ETFA: variants seen among roughly 807,000 people sequenced by gnomAD.
ETFA encodes the protein electron transfer flavoprotein subunit alpha.
A neutral mutation model predicts 46.2 loss-of-function variants in ETFA; 22 were observed. The ratio of observed to expected loss-of-function variants is 0.48; its 90% CI spans 0.34 to 0.68. The LOEUF (loss-of-function observed/expected upper bound fraction) is 0.68. Ranked by LOEUF, ETFA falls within the 30% of genes least tolerant of loss-of-function variation. The pLI is 0.01. For synonymous variants in ETFA, 131 were observed against 139.9 expected, an observed-to-expected ratio of 0.94 and a Z score of 0.45; for missense variants, 345 against 401.1, an observed-to-expected ratio of 0.86 and a Z score of 1.19.
chr15:76,224,194 T>A (rs1205522381), intron 11 of ETFA, among the ~76,000 whole-genome samples: 1 of 152,066 alleles, frequency 6.6e-6, no homozygotes, highest in Non-Finnish European at 1.5e-5. Context: ...GAAAAAAAAA[T>A]TCTCTTTTTC....
At chr15:76,249,656 T>C (rs958325366) in intron 9 of ETFA, among the ~76,000 whole-genome samples, 1 of 149,944 alleles carries the variant, frequency 6.7e-6, no homozygotes, top group Non-Finnish European at 1.5e-5. Context: ...TTAGCCAAGA[T>C]GGTCTCAATC....
At chr15:76,263,201 C>A (rs1312988997) in intron 9 of ETFA, among the ~76,000 whole-genome samples, 2 of 152,206 alleles carry the variant, frequency 1.3e-5, no homozygotes, top group Admixed American at 1.3e-4. Context: ...GAGCTTGGGG[C>A]CTTTGCAACC....
At chr15:76,280,807 T>A (rs888680189) in intron 8 of ETFA, among the ~76,000 whole-genome samples, 1 of 152,102 alleles carries the variant, frequency 6.6e-6, no homozygotes, top group Non-Finnish European at 1.5e-5. Context: ...GATGTGTTCC[T>A]GCGTTAGACA....
At chr15:76,282,680 C>T (rs17458234) in intron 8 of ETFA, among the ~76,000 whole-genome samples, 15,028 of 152,116 alleles carry the variant, frequency 0.099, 910 homozygotes, top group South Asian at 0.14. Flanking sequence ...AAATTTCGCA[C>T]AGGAAAACCA....
chr15:76,248,328 T>G (rs1047288457), intron 9 of ETFA, among the ~76,000 whole-genome samples: 1 of 152,138 alleles, frequency 6.6e-6, no homozygotes, highest in African/African-American at 2.4e-5. Flanking sequence ...GGTACCTGAT[T>G]AACTACATGG....
intron 9 of ETFA, among the ~76,000 whole-genome samples, chr15:76,243,526 A>G (rs955926046): frequency 6.6e-6 from 1 of 151,584 alleles, no homozygotes; most frequent in African/African-American, 2.4e-5. Flanking sequence ...GGCCAGGCGC[A>G]GTAGCTCACG....
Position 76,274,404 on chromosome 15 carries a change from A to T in ETFA, c.816+8T>A, listed in dbSNP as rs759412407. 16 of 1,596,278 alleles carry T rather than the reference A, an allele frequency of 1.0e-5. No homozygotes were observed. The highest frequency in any genetic ancestry group is 5.1e-5 in the Admixed American group (3 of 59,028). On this transcript the variant is annotated splice_region_variant and intron_variant, in intron 9 of 11. Transcript: ENST00000557943. The stretch of plus-strand genomic sequence containing the variant: ...ATTTTACACAGCATATTTTATTGCA[A>T]TACTTACTGGTGCTACTATTTTTCC...
intron 1 of ETFA, among the ~76,000 whole-genome samples, chr15:76,302,394 C>A (rs905236926): frequency 4.3e-4 from 57 of 131,176 alleles, no homozygotes; most frequent in Non-Finnish European, 8.1e-4. Flanking sequence ...AAAAAAAAAA[C>A]AGTCTGAAAA....
At position 76,250,621 on chromosome 15, in the gene ETFA, C is replaced by T. The variant is rs796195057; in HGVS notation, c.817-19223G>A. 2.6e-5 allele frequency among the ~76,000 whole-genome samples: 4 copies of T among 152,056 alleles called. No homozygotes were observed. The South Asian group carries it at 8.3e-4, about 32-fold the overall frequency. Reference sequence around the variant, plus strand: ...AATCATAGCTCACTGCAGCCTTGATCTCCCTGGCTCAAGTGATCCTCCCAC... The same window carrying T: ...AATCATAGCTCACTGCAGCCTTGATTTCCCTGGCTCAAGTGATCCTCCCAC... On this transcript the variant is annotated intron_variant, in intron 9 of 11. Transcript: ENST00000557943.
intron 11 of ETFA, among the ~76,000 whole-genome samples, chr15:76,218,183 C>T (rs542473990): frequency 1.2e-4 from 18 of 152,298 alleles, no homozygotes; most frequent in Admixed American, 1.1e-3. Flanking sequence ...AAAATTTTAC[C>T]GAATATATCC....
chr15:76,292,556 T>G, intron 3 of ETFA, 43 bp from the exon 4 acceptor site: 1 of 1,589,802 alleles, frequency 6.3e-7, no homozygotes, highest in Non-Finnish European at 8.6e-7. Flanking sequence ...TTTGAAATAC[T>G]TTCATATTCA....
intron 9 of ETFA, among the ~76,000 whole-genome samples, chr15:76,262,941 T>A (rs143218889): frequency 1.3e-5 from 2 of 152,284 alleles, no homozygotes; most frequent in Non-Finnish European, 2.9e-5. Context: ...GAACTATACC[T>A]GAAATTCTAT....
chr15:76,238,933 A>C (rs963465063), intron 9 of ETFA, among the ~76,000 whole-genome samples: 1 of 152,222 alleles, frequency 6.6e-6, no homozygotes, highest in Non-Finnish European at 1.5e-5. Flanking sequence ...TTTCACATGA[A>C]GGGAAGATTT....
At chr15:76,253,639 T>C (rs1345097822) in intron 9 of ETFA, among the ~76,000 whole-genome samples, 1 of 152,168 alleles carries the variant, frequency 6.6e-6, no homozygotes. Flanking sequence ...CGTTCAGCTT[T>C]AAAAACAAAG....
chr15:76,285,341 T>C (rs990986579), intron 7 of ETFA, among the ~76,000 whole-genome samples: 1 of 152,140 alleles, frequency 6.6e-6, no homozygotes, highest in Non-Finnish European at 1.5e-5. Flanking sequence ...CCAACCATAC[T>C]CTGCAGAATT....
intron 9 of ETFA, among the ~76,000 whole-genome samples, chr15:76,271,066 A>G (rs890478891): frequency 1.3e-5 from 2 of 151,478 alleles, no homozygotes; most frequent in Admixed American, 6.6e-5. Context: ...GCTACTCAGG[A>G]GGCTGAGACA....
intron 5 of ETFA, 68 bp from the exon 6 acceptor site, chr15:76,286,549 T>C: frequency 4.3e-6 from 4 of 939,828 alleles, no homozygotes; most frequent in Non-Finnish European, 6.9e-6. Context: ...CCTTTGATGC[T>C]TGGAATTTAC....
chr15:76,224,474 C>A (rs2038985646), intron 11 of ETFA, among the ~76,000 whole-genome samples: 1 of 152,246 alleles, frequency 6.6e-6, no homozygotes, highest in African/African-American at 2.4e-5. Context: ...TCTGAGCCAT[C>A]ACGGAGTAAT....
At chr15:76,279,740 T>A (rs531030194) in intron 8 of ETFA, among the ~76,000 whole-genome samples, 2 of 152,058 alleles carry the variant, frequency 1.3e-5, no homozygotes. Context: ...ATCAATTTTT[T>A]CCCCCCTCAA....
Sources: allele counts gnomAD v4.1 joint callset (sites outside exome capture counted in the v4.1 genomes callset), GRCh38; gene constraint gnomAD v4.1.1; transcripts MANE v1.5; gene names NCBI Gene and HGNC (gene_info 2026-07-23, HGNC 2026-07-21).